The following CNTD1 variants were observed in gnomAD, a reference collection of about 807,000 sequenced individuals.
The protein encoded by CNTD1 is cyclin N-terminal domain containing 1, also known as cyclin N-terminal domain-containing protein 1.
Under a neutral mutation model 36.3 loss-of-function variants are expected in CNTD1, and 17 were observed. The observed-to-expected ratio is 0.47, with a 90% CI of 0.32 to 0.70. The LOEUF is 0.70. Among genes scored for constraint, CNTD1 ranks in the 30% least tolerant of loss-of-function variants. CNTD1 has a pLI of 0.03. For missense variants in CNTD1, 338 were observed against 386.1 expected (o/e 0.88, Z 1.04); for synonymous variants, 128 against 153.3 (o/e 0.83, Z 1.22).
At chr17:42,803,343 C>A (rs751153031) in intron 1 of CNTD1, among the ~76,000 whole-genome samples, 1 of 152,194 alleles carries the variant, frequency 6.6e-6, no homozygotes, top group Non-Finnish European at 1.5e-5. Context: ...ACTGGCCAAG[C>A]CTTTTATCAG....
chr17:42,806,341 G>C (rs1178505549), intron 4 of CNTD1, among the ~76,000 whole-genome samples: 1 of 152,146 alleles, frequency 6.6e-6, no homozygotes, highest in Non-Finnish European at 1.5e-5. Context: ...GTTCCCTCCG[G>C]CACTTGTCAG....
chr17:42,803,798 G>T, intron 2 of CNTD1, 103 bp downstream of exon 2: 1 of 820,018 alleles, frequency 1.2e-6, no homozygotes, highest in Non-Finnish European at 2.0e-6. Context: ...CCTGAGACCT[G>T]GTTTTACACC....
chr17:42,809,360 T>C lies in CNTD1; in HGVS notation c.823-5T>C, dbSNP rs1419494600. The C allele has an allele frequency of 4.4e-6, 7 of 1,600,858 alleles. No homozygotes were observed. The Middle Eastern group carries it at 6.6e-4, about 152-fold the overall frequency. On this transcript the variant is annotated splice_polypyrimidine_tract_variant and splice_region_variant and intron_variant, in intron 6 of 6. Coordinates refer to ENST00000588408, the MANE Select transcript of CNTD1 (RefSeq NM_173478.3). ...GTAATAAGAAATCTGTCTCTATTTCTGAAGGTTGTGGGGCATTTGCAGAGC... is the reference window on the plus strand; with the variant it reads ...GTAATAAGAAATCTGTCTCTATTTCCGAAGGTTGTGGGGCATTTGCAGAGC...
Position 42,809,441 on chromosome 17 carries a change from AC to A in CNTD1, c.900del (p.His300GlnfsTer23), listed in dbSNP as rs2144134634. Reference protein sequence around the residue: ...IAEFSYAILTHGVGANTPGRQ... With the variant: ...IAEFSYAILTXGVGANTPGRQ... ...GAGTTCTCTTATGCAATCCTGACTC[AC>A]GGAGTGGGAGCCAACACTCCGGGGA... On this transcript the variant is annotated frameshift_variant, in exon 7 of 7. Transcript: ENST00000588408. LOFTEE classifies it high-confidence loss of function. 6.2e-7 allele frequency: 1 copy of A among 1,613,990 alleles called. No individual in the cohort carries two copies. Among genetic ancestry groups the A allele is most frequent in the South Asian group, 1.1e-5 (1 of 91,072 alleles).
rs2054968245 is a variant in CNTD1, at chr17:42,810,369, T to C, written c.*834T>C. The C allele has an allele frequency of 6.4e-6, 1 of 155,518 alleles. No homozygotes were observed. Among genetic ancestry groups the C allele is most frequent in the Admixed American group, 6.5e-5 (1 of 15,368 alleles). The allele number at this position is 155,518 out of a possible 1,614,324, so 9.6% of individuals were successfully genotyped here. On this transcript the variant is annotated 3_prime_UTR_variant, in exon 7 of 7. Transcript: ENST00000588408. ...ACTGTGCATCTCAAACATATCCTCA[T>C]CTCAGTAAAGACAAAAGTTTCTATT... is the stretch of plus-strand genomic sequence containing the variant.
At chr17:42,805,594 G>A in intron 3 of CNTD1, 128 bp from the exon 4 acceptor site, 1 of 783,082 alleles carries the variant, frequency 1.3e-6, no homozygotes, top group Non-Finnish European at 2.0e-6. Flanking sequence ...CAGAGTGTGA[G>A]GGGGAATTAC....
Position 42,798,897 on chromosome 17 carries a change from G to T in CNTD1, c.-171G>T. 4 of 1,444,166 alleles carry T rather than the reference G, an allele frequency of 2.8e-6. No individual in the cohort carries two copies. Among genetic ancestry groups the T allele is most frequent in the Non-Finnish European group, 3.6e-6 (4 of 1,103,870 alleles). The allele number at this position is 1,444,166 out of a possible 1,614,324, so 89.5% of individuals were successfully genotyped here. ...GGCCGTTGGGGCGGGAAAAAGCTGT[G>T]GAGGGTTCGAGGCTGTGGTGGTAAT... is the stretch of plus-strand genomic sequence containing the variant. On this transcript the variant is annotated 5_prime_UTR_variant, in exon 1 of 7. Coordinates refer to ENST00000588408, the MANE Select transcript of CNTD1 (RefSeq NM_173478.3).
intron 6 of CNTD1, 126 bp from the exon 7 acceptor site, chr17:42,809,239 G>C (rs1168172501): frequency 1.1e-6 from 1 of 949,276 alleles, no homozygotes; most frequent in African/African-American, 1.7e-5. Context: ...GCAAACACTG[G>C]AATCTGGATT....
intron 2 of CNTD1, 55 bp downstream of exon 2, chr17:42,803,750 C>A: frequency 1.5e-6 from 2 of 1,359,376 alleles, no homozygotes; most frequent in Non-Finnish European, 2.1e-6. Context: ...GGCTAATGTA[C>A]CTACATCTTT....
chr17:42,806,912 A>G, intron 5 of CNTD1, 94 bp downstream of exon 5: 3 of 1,198,158 alleles, frequency 2.5e-6, no homozygotes, highest in Non-Finnish European at 3.6e-6. Context: ...CTAGCATGGC[A>G]TCCAGTCCCA....
chr17:42,801,529 ATATATATATATATATATAATATATG>A (rs1567660212), intron 1 of CNTD1, among the ~76,000 whole-genome samples: 3 of 81,108 alleles, frequency 3.7e-5, no homozygotes, highest in Admixed American at 1.5e-4. Context: ...ATATATATAT[ATATATATATATATATATAATATATG>A]TGTGTGTGTG....
chr17:42,801,552 A>AATATATG (rs2054795729), intron 1 of CNTD1, among the ~76,000 whole-genome samples: 1 of 80,106 alleles, frequency 1.2e-5, no homozygotes, highest in Non-Finnish European at 2.4e-5. Context: ...TATATAATAT[A>AATATATG]TGTGTGTGTG....
chr17:42,807,773 AG>A lies in CNTD1; in HGVS notation c.732del (p.Lys244AsnfsTer5). ...NSTPSQLQGE[K>X]FTSVKEDFML... is the part of the protein sequence containing the mutation. The stretch of plus-strand genomic sequence containing the variant: ...ATGTGGTTTTAATCACTCAGGGAAA[AG>A]TTTACTTCAGTGAAGGAAGACTTCA... On this transcript the variant is annotated frameshift_variant, in exon 6 of 7. Transcript: ENST00000588408. LOFTEE classifies it high-confidence loss of function. 3 of 1,611,892 alleles carry A rather than the reference AG, an allele frequency of 1.9e-6. No individual in the cohort carries two copies. Among genetic ancestry groups the A allele is most frequent in the Non-Finnish European group, 2.5e-6 (3 of 1,178,030 alleles).
chr17:42,805,635 G>A (rs1262077360), intron 3 of CNTD1, 87 bp from the exon 4 acceptor site: 5 of 1,150,006 alleles, frequency 4.3e-6, no homozygotes, highest in Non-Finnish European at 6.2e-6. Context: ...GAAGGAATAG[G>A]CTGGATTATG....
chr17:42,807,174 A>G (rs975852525), intron 5 of CNTD1, among the ~76,000 whole-genome samples: 10 of 152,054 alleles, frequency 6.6e-5, no homozygotes, highest in African/African-American at 1.4e-4. Flanking sequence ...CCAGCACTTC[A>G]GGAGGCTGAG....
chr17:42,801,532 T>A (rs1411267081), intron 1 of CNTD1, among the ~76,000 whole-genome samples: 9 of 81,254 alleles, frequency 1.1e-4, no homozygotes, highest in African/African-American at 4.6e-4. Flanking sequence ...TATATATATA[T>A]ATATATATAT....
intron 2 of CNTD1, 46 bp downstream of exon 2, chr17:42,803,741 G>A (rs766835747): frequency 1.4e-6 from 2 of 1,441,942 alleles, no homozygotes; most frequent in Non-Finnish European, 1.9e-6. Flanking sequence ...TCTCAGAGTG[G>A]CTAATGTACC....
In CNTD1 at chr17:42,799,046, G is replaced by T; in HGVS notation, c.-22G>T. The T allele has an allele frequency of 6.2e-7, 1 of 1,612,536 alleles. No homozygotes were observed. Among genetic ancestry groups the T allele is most frequent in the South Asian group, 1.1e-5 (1 of 90,956 alleles). On this transcript the variant is annotated 5_prime_UTR_variant, in exon 1 of 7. Transcript: ENST00000588408. ...ATGTGGATCCAGTGAACCCGTCCAGGTGCCCCAAGAGGCTCGTGAATATGG... is the reference window on the plus strand; with the variant it reads ...ATGTGGATCCAGTGAACCCGTCCAGTTGCCCCAAGAGGCTCGTGAATATGG...
At position 42,811,194 on chromosome 17, in the gene CNTD1, C is replaced by T. The variant is rs2144143984; in HGVS notation, c.*1659C>T. 2.8e-6 allele frequency: 1 copy of T among 358,768 alleles called. No homozygotes were observed. The highest frequency in any genetic ancestry group is 4.9e-6 in the Non-Finnish European group (1 of 202,382). 22.2% of individuals were successfully genotyped at this position (358,768 alleles called of 1,614,324 possible). A position where few individuals can be genotyped will look rare whatever the true frequency, so the allele number is the denominator to read the frequency against. ...GTAGGGGTGAGTGAGGGTTACAGTA[C>T]TTCTTGCTGTTTTCCTAGGCATCCC... is the stretch of plus-strand genomic sequence containing the variant. On this transcript the variant is annotated 3_prime_UTR_variant, in exon 7 of 7. Transcript: ENST00000588408.
Sources: gnomAD v4.1 joint callset for allele counts (sites outside exome capture counted in the v4.1 genomes callset) on GRCh38, gnomAD v4.1.1 for gene constraint, MANE v1.5 for transcripts, NCBI Gene and HGNC (gene_info 2026-07-23, HGNC 2026-07-21) for gene names.